The following DCLK1 variants were observed in gnomAD, a reference collection of about 807,000 sequenced individuals.
The protein encoded by DCLK1 is doublecortin like kinase 1.
Under a neutral mutation model 86.2 loss-of-function variants are expected in DCLK1, and 16 were observed. The ratio of observed to expected loss-of-function variants is 0.19; its 90% confidence interval spans 0.13 to 0.28. The LOEUF (loss-of-function observed/expected upper bound fraction) is 0.28. Among genes scored for constraint, DCLK1 ranks in the 10% least tolerant of loss-of-function variants. DCLK1 has a pLI of 1.00. For missense variants in DCLK1, 590 were observed against 940.2 expected, an observed-to-expected ratio of 0.63 and a Z score of 4.87; for synonymous variants, 369 against 370.5, an observed-to-expected ratio of 1.00 and a Z score of 0.05.
At chr13:35,871,768 C>T (rs1054998428) in intron 4 of DCLK1, among the ~76,000 whole-genome samples, 23 of 152,098 alleles carry the variant, frequency 1.5e-4, no homozygotes, top group African/African-American at 5.6e-4. Flanking sequence ...AAGATTCCGC[C>T]CACCACAACA....
chr13:36,050,959 C>A (rs190092375), intron 3 of DCLK1, among the ~76,000 whole-genome samples: 24 of 152,178 alleles, frequency 1.6e-4, no homozygotes, highest in African/African-American at 5.3e-4. Flanking sequence ...GGCCTGTAAG[C>A]CCAGTGACAT....
chr13:35,784,978 C>G (rs1359779890), intron 16 of DCLK1, among the ~76,000 whole-genome samples: 1 of 152,110 alleles, frequency 6.6e-6, no homozygotes, highest in African/African-American at 2.4e-5. Flanking sequence ...CCGAGCATGA[C>G]AGCGCGGCCA....
chr13:36,047,170 A>T (rs1345374781), intron 3 of DCLK1, among the ~76,000 whole-genome samples: 1 of 152,230 alleles, frequency 6.6e-6, no homozygotes, highest in Non-Finnish European at 1.5e-5. Context: ...TCAAAAAGAC[A>T]AAAGATAACA....
intron 3 of DCLK1, among the ~76,000 whole-genome samples, chr13:36,062,951 C>T (rs1883611818): frequency 6.6e-6 from 1 of 152,126 alleles, no homozygotes; most frequent in Admixed American, 6.6e-5. Flanking sequence ...CCTGAGATGA[C>T]CATAATGCAA....
intron 14 of DCLK1, 142 bp from the exon 15 acceptor site, chr13:35,805,921 G>A: frequency 1.7e-6 from 1 of 577,020 alleles, no homozygotes; most frequent in African/African-American, 1.9e-5. Context: ...ACTTACCTGT[G>A]GCTATTTATC....
intron 4 of DCLK1, among the ~76,000 whole-genome samples, chr13:35,935,591 T>C (rs1171092): frequency 0.75 from 114,327 of 151,998 alleles, 43,155 homozygotes; most frequent in Admixed American, 0.82. Context: ...ACCAGGTAGA[T>C]GATGAGTTCA....
In DCLK1 at chr13:35,809,192, A is replaced by G. The variant is rs1593612277; in HGVS notation, c.1689-97T>C. ...GACTTTCCTCCTCCAAGCCAAAAAT[A>G]AAACCAAACAAAATAACAATCCCAA... is the stretch of plus-strand genomic sequence containing the variant. On this transcript the variant is annotated intron_variant, in intron 12 of 16. Coordinates refer to ENST00000360631, the MANE Select transcript of DCLK1 (RefSeq NM_001330071.2). The G allele has an allele frequency of 1.5e-5, 13 of 862,470 alleles. No homozygotes were observed. The East Asian group carries it at 3.5e-4, about 23-fold the overall frequency. 53.4% of individuals were successfully genotyped at this position (862,470 alleles called of 1,614,324 possible). A position where few individuals can be genotyped will look rare whatever the true frequency, so the allele number is the denominator to read the frequency against.
intron 13 of DCLK1, 24 bp from the exon 14 acceptor site, chr13:35,808,344 G>T (rs755203434): frequency 7.5e-6 from 12 of 1,594,100 alleles, no homozygotes; most frequent in Non-Finnish European, 1.0e-5. Flanking sequence ...CGACAACAAG[G>T]AAAAACAGCA....
chr13:35,940,012 C>T (rs1052385061), intron 4 of DCLK1, among the ~76,000 whole-genome samples: 7 of 151,934 alleles, frequency 4.6e-5, no homozygotes, highest in African/African-American at 1.4e-4. Context: ...CAATATTAAA[C>T]GTCTGTATGG....
At chr13:35,914,369 G>GTA (rs34226717) in intron 4 of DCLK1, among the ~76,000 whole-genome samples, 76 of 117,738 alleles carry the variant, frequency 6.5e-4, no homozygotes, top group African/African-American at 2.5e-3. Flanking sequence ...ATATATATAT[G>GTA]TATATATATA....
chr13:36,131,938 T>C (rs1269065059), upstream of DCLK1, among the ~76,000 whole-genome samples: 1 of 152,214 alleles, frequency 6.6e-6, no homozygotes, highest in Non-Finnish European at 1.5e-5. Context: ...CTGGATCTGT[T>C]CATGGATCCC....
At chr13:35,792,667 A>T (rs1041660557) in intron 16 of DCLK1, among the ~76,000 whole-genome samples, 4 of 152,242 alleles carry the variant, frequency 2.6e-5, no homozygotes, top group African/African-American at 9.6e-5. Flanking sequence ...ATATGACACC[A>T]GGAAGTATGA....
intron 3 of DCLK1, among the ~76,000 whole-genome samples, chr13:35,954,841 TAA>T (rs201310630): frequency 6.6e-6 from 1 of 151,786 alleles, no homozygotes; most frequent in Non-Finnish European, 1.5e-5. Flanking sequence ...GACTTTTTTT[TAA>T]AAAAAATGGA....
chr13:36,101,861 A>C, intron 3 of DCLK1, among the ~76,000 whole-genome samples: 1 of 152,030 alleles, frequency 6.6e-6, no homozygotes. Flanking sequence ...CTTCTGCCTC[A>C]GCCTCCCGAG....
intron 3 of DCLK1, among the ~76,000 whole-genome samples, chr13:35,956,741 C>G (rs1423710233): frequency 8.6e-5 from 1 of 11,626 alleles, no homozygotes; most frequent in South Asian, 2.4e-3. Context: ...AAAACATCAT[C>G]AGTGGCAAAC....
intron 3 of DCLK1, among the ~76,000 whole-genome samples, chr13:36,044,779 C>T (rs577375623): frequency 2.6e-5 from 4 of 151,866 alleles, no homozygotes; most frequent in South Asian, 2.1e-4. Context: ...TTATCAAAAA[C>T]GTTAAAAATC....
At chr13:36,045,182 A>G (rs910709422) in intron 3 of DCLK1, among the ~76,000 whole-genome samples, 2 of 149,394 alleles carry the variant, frequency 1.3e-5, no homozygotes, top group Admixed American at 1.3e-4. Flanking sequence ...AGACCCTGCC[A>G]TTAACATTTT....
chr13:35,825,481 G>A (rs929347612), intron 10 of DCLK1, among the ~76,000 whole-genome samples: 3 of 152,274 alleles, frequency 2.0e-5, no homozygotes, highest in Non-Finnish European at 2.9e-5. Context: ...TCCTAACCAA[G>A]CACACGATTG....
intron 1 of DCLK1, 122 bp from the exon 2 acceptor site, chr13:36,126,278 G>T: frequency 1.3e-6 from 1 of 773,374 alleles, no homozygotes; most frequent in Non-Finnish European, 1.8e-6. Flanking sequence ...CCGGGCTGCA[G>T]TGAGATGGCA....
Sources: allele counts gnomAD v4.1 joint callset (sites outside exome capture counted in the v4.1 genomes callset), GRCh38; gene constraint gnomAD v4.1.1; transcripts MANE v1.5; gene names NCBI Gene and HGNC (gene_info 2026-07-23, HGNC 2026-07-21).